PCDHA12: variants seen among roughly 807,000 people sequenced by gnomAD.
PCDHA12 encodes the protein protocadherin alpha 12.
A neutral mutation model predicts 60.0 loss-of-function variants in PCDHA12; 44 were observed. The observed-to-expected ratio is 0.73, with a 90% CI of 0.58 to 0.94. The LOEUF is 0.94. PCDHA12 is among the 40% of genes least tolerant of loss of function. The probability of loss-of-function intolerance (pLI) is 0.00; values close to 1 mark genes in which losing one functional copy is unlikely to be tolerated. For missense variants in PCDHA12, 1,276 were observed against 1,239.7 expected (o/e 1.03, Z -0.44); for synonymous variants, 569 against 553.0 (o/e 1.03, Z -0.40).
chr5:140,993,454 T>G (rs1343043993), intron 3 of PCDHA12, among the ~76,000 whole-genome samples: 1 of 133,974 alleles, frequency 7.5e-6, no homozygotes, highest in Non-Finnish European at 1.6e-5. Flanking sequence ...GTTCTCCTTC[T>G]TTCTTTCTCA....
At chr5:140,938,427 T>G (rs992312670) in intron 1 of PCDHA12, among the ~76,000 whole-genome samples, 3 of 152,206 alleles carry the variant, frequency 2.0e-5, no homozygotes, top group African/African-American at 7.2e-5. Flanking sequence ...GCAAAAATCC[T>G]TTATCAGATT....
chr5:140,978,526 A>G (rs1197468187), intron 1 of PCDHA12, among the ~76,000 whole-genome samples: 5 of 152,248 alleles, frequency 3.3e-5, no homozygotes, highest in Admixed American at 2.0e-4. Flanking sequence ...CAGCCAGGCC[A>G]GCAGAACTTG....
intron 1 of PCDHA12, among the ~76,000 whole-genome samples, chr5:140,898,903 C>T (rs1323359632): frequency 6.6e-6 from 1 of 152,100 alleles, no homozygotes; most frequent in Non-Finnish European, 1.5e-5. Context: ...AGAGGTCCTT[C>T]ACGTCCCTTG....
chr5:140,897,457 C>T (rs1173344812), intron 1 of PCDHA12, among the ~76,000 whole-genome samples: 11 of 151,186 alleles, frequency 7.3e-5, no homozygotes, highest in East Asian at 1.9e-4. Context: ...TTTGTCCTTG[C>T]GATAGTTTAC....
chr5:140,981,895 G>A (rs2153826767), intron 2 of PCDHA12, among the ~76,000 whole-genome samples: 1 of 152,252 alleles, frequency 6.6e-6, no homozygotes, highest in East Asian at 1.9e-4. Flanking sequence ...TCTGAGCGGG[G>A]ATCTGTGAGT....
intron 1 of PCDHA12, chr5:140,966,591 C>A (rs2096024240): frequency 1.7e-6 from 1 of 588,704 alleles, no homozygotes; most frequent in Non-Finnish European, 2.7e-6. Flanking sequence ...GACGGTGGGG[C>A]CAGGAGCCCT....
chr5:140,939,701 T>C (rs782486336), intron 1 of PCDHA12, among the ~76,000 whole-genome samples: 2 of 152,210 alleles, frequency 1.3e-5, no homozygotes, highest in Non-Finnish European at 2.9e-5. Context: ...GACATTATCA[T>C]TTGTGAGATA....
intron 1 of PCDHA12, among the ~76,000 whole-genome samples, chr5:140,901,976 T>C (rs1470395593): frequency 6.6e-6 from 1 of 152,164 alleles, no homozygotes; most frequent in African/African-American, 2.4e-5. Context: ...ATGGGATTAC[T>C]TTTTAATTTC....
intron 1 of PCDHA12, chr5:140,966,696 G>A (rs2096039255): frequency 7.4e-7 from 1 of 1,358,662 alleles, no homozygotes. Flanking sequence ...GGCGGGGCCC[G>A]GGCGTGGGGC....
Position 140,979,003 on chromosome 5 carries a change from C to G in PCDHA12, c.2422C>G (p.His808Asp). ...RYSASLRAGM[H>D]SSVHLEEAGI... Reference sequence around the variant, plus strand: ...CTCTGCCTCCCTGAGAGCAGGCATGCACAGGTATGTATTTCCCTCCTCATT... The same window carrying G: ...CTCTGCCTCCCTGAGAGCAGGCATGGACAGGTATGTATTTCCCTCCTCATT... The change falls in exon 2 of 4, where the codon CAC becomes GAC. Residue 808 changes from histidine (H) to aspartate (D), a missense_variant. By Grantham distance (81) the His-to-Asp change is moderately conservative. Transcript: ENST00000398631. 1.2e-6 allele frequency: 2 copies of G among 1,614,144 alleles called. No homozygotes were observed. The highest frequency in any genetic ancestry group is 1.7e-6 in the Non-Finnish European group (2 of 1,180,022).
chr5:141,000,365 C>CTG (rs2097904906), intron 3 of PCDHA12, among the ~76,000 whole-genome samples: 2 of 12,832 alleles, frequency 1.6e-4, no homozygotes, highest in Non-Finnish European at 2.6e-4. Flanking sequence ...CTCTCTGTCT[C>CTG]TCTCTCTCTC....
intron 1 of PCDHA12, among the ~76,000 whole-genome samples, chr5:140,895,352 G>A (rs1322887367): frequency 7.9e-5 from 12 of 151,916 alleles, no homozygotes; most frequent in African/African-American, 2.9e-4. Flanking sequence ...GCTTTCCAGT[G>A]AGTACTTATT....
intron 1 of PCDHA12, among the ~76,000 whole-genome samples, chr5:140,906,762 G>GAGAC (rs1413130419): frequency 6.6e-6 from 1 of 152,218 alleles, no homozygotes; most frequent in Non-Finnish European, 1.5e-5. Context: ...GTAATACTAA[G>GAGAC]AGACACCCTA....
At chr5:140,942,754 A>C (rs1157116096) in intron 1 of PCDHA12, among the ~76,000 whole-genome samples, 1 of 152,212 alleles carries the variant, frequency 6.6e-6, no homozygotes, top group African/African-American at 2.4e-5. Context: ...TGTATAAATG[A>C]GATGGCATAA....
intron 1 of PCDHA12, among the ~76,000 whole-genome samples, chr5:140,925,082 AAAGG>A (rs138596875): frequency 0.022 from 3,184 of 147,344 alleles, 79 homozygotes; most frequent in African/African-American, 0.064. Flanking sequence ...GCTCATCTGG[AAAGG>A]AAGGAAGGAA....
intron 1 of PCDHA12, among the ~76,000 whole-genome samples, chr5:140,898,476 G>A (rs1167001415): frequency 6.6e-6 from 1 of 152,072 alleles, no homozygotes; most frequent in Non-Finnish European, 1.5e-5. Flanking sequence ...TTTTTCTCAG[G>A]TTTGTCAAAG....
At chr5:140,882,424 G>A in intron 1 of PCDHA12, 1 of 1,614,114 alleles carries the variant, frequency 6.2e-7, no homozygotes, top group Non-Finnish European at 8.5e-7. Context: ...CTCAGGACCT[G>A]GGGCTGGAGC....
chr5:140,935,318 T>A (rs1554210460), intron 1 of PCDHA12, among the ~76,000 whole-genome samples: 1 of 152,194 alleles, frequency 6.6e-6, no homozygotes, highest in African/African-American at 2.4e-5. Flanking sequence ...TTCATCAATC[T>A]TACATTCCTA....
At chr5:140,962,312 A>G (rs2095671896) in intron 1 of PCDHA12, among the ~76,000 whole-genome samples, 1 of 152,204 alleles carries the variant, frequency 6.6e-6, no homozygotes, top group African/African-American at 2.4e-5. Context: ...TTGTTAGGCC[A>G]TCTCAATTGA....
Sources: allele counts gnomAD v4.1 joint callset (sites outside exome capture counted in the v4.1 genomes callset), GRCh38; gene constraint gnomAD v4.1.1; transcripts MANE v1.5; gene names NCBI Gene and HGNC (gene_info 2026-07-23, HGNC 2026-07-21).